PKNOX1: variants seen among roughly 807,000 people sequenced by gnomAD.
PKNOX1 encodes PBX/knotted 1 homeobox 1.
In PKNOX1, 15 loss-of-function variants were observed where a neutral mutation model predicts 51.9. The observed-to-expected ratio is 0.29, with a 90% CI of 0.19 to 0.45. The LOEUF (loss-of-function observed/expected upper bound fraction) is 0.45, where lower values mean the gene tolerates loss of function less well. PKNOX1 is among the 20% of genes least tolerant of loss of function. The probability of loss-of-function intolerance (pLI) is 1.00; values close to 1 mark genes in which losing one functional copy is unlikely to be tolerated. For missense variants in PKNOX1, 462 were observed against 547.5 expected, an observed-to-expected ratio of 0.84 and a Z score of 1.56; for synonymous variants, 219 against 211.1, an observed-to-expected ratio of 1.04 and a Z score of -0.32.
chr21:43,016,810 CT>C, intron 5 of PKNOX1, 97 bp from the exon 6 acceptor site: 5 of 714,962 alleles, frequency 7.0e-6, no homozygotes, highest in South Asian at 2.0e-5. Context: ...CTTCTCTTTC[CT>C]TTTTTAATGG....
rs761284934 is a variant in PKNOX1 at position 43,010,137 on chromosome 21, T to G, written c.264T>G (p.Ser88Arg). 1.2e-6 allele frequency: 2 copies of G among 1,606,868 alleles called. No individual in the cohort carries two copies. The highest frequency in any genetic ancestry group is 1.7e-6 in the Non-Finnish European group (2 of 1,175,954). ...GCTCTGAAGGCACAACTTCTGCCAG[T>G]TTTGATGTAGACATCGAAAATTTTG... ...TQGSEGTTSASFDVDIENFVR... is the reference protein window; with the variant it reads ...TQGSEGTTSARFDVDIENFVR... Residue 88 changes from serine (S) to arginine (R), a missense_variant, in exon 4 of 11, where the codon AGT becomes AGG. Around this residue, in one of 5 missense-constraint regions of PKNOX1, gnomAD observed 129 missense variants for 133.4 expected, o/e 0.97. Coordinates refer to ENST00000291547, the MANE Select transcript of PKNOX1 (RefSeq NM_004571.5).
intron 1 of PKNOX1, among the ~76,000 whole-genome samples, chr21:42,984,580 G>T (rs1388060402): frequency 6.6e-6 from 1 of 152,072 alleles, no homozygotes; most frequent in Non-Finnish European, 1.5e-5. Flanking sequence ...TAGAGACAGG[G>T]TCTCTCCATG....
intron 2 of PKNOX1, among the ~76,000 whole-genome samples, chr21:43,006,628 G>A (rs1427332060): frequency 2.0e-5 from 3 of 152,228 alleles, no homozygotes; most frequent in Non-Finnish European, 2.9e-5. Context: ...GCTGGAGGAT[G>A]TGAGAGGCGT....
intron 1 of PKNOX1, among the ~76,000 whole-genome samples, chr21:42,990,823 A>G (rs916148820): frequency 3.9e-5 from 6 of 152,172 alleles, no homozygotes; most frequent in South Asian, 4.1e-4. Context: ...AGCTAAACGC[A>G]ATGAACTGGG....
intron 9 of PKNOX1, 114 bp from the exon 10 acceptor site, chr21:43,028,588 T>G: frequency 1.1e-6 from 1 of 922,016 alleles, no homozygotes; most frequent in Admixed American, 2.2e-5. Context: ...AGAACTTGAG[T>G]CATTCTTTGT....
intron 1 of PKNOX1, among the ~76,000 whole-genome samples, chr21:42,982,575 C>CA (rs2059032098): frequency 6.6e-6 from 1 of 151,264 alleles, no homozygotes; most frequent in Non-Finnish European, 1.5e-5. Context: ...ACTAAAAATA[C>CA]AAAAAATTAG....
intron 4 of PKNOX1, among the ~76,000 whole-genome samples, chr21:43,010,430 A>G (rs976528553): frequency 6.6e-6 from 1 of 151,880 alleles, no homozygotes; most frequent in Admixed American, 6.6e-5. Context: ...TTTAGTTTTT[A>G]TTTTTAGATT....
At chr21:43,001,308 G>GGT (rs1184218954) in intron 1 of PKNOX1, among the ~76,000 whole-genome samples, 2 of 152,194 alleles carry the variant, frequency 1.3e-5, no homozygotes, top group African/African-American at 2.4e-5. Context: ...GTGTTGCAAG[G>GGT]GTGTACCTGT....
At chr21:42,987,106 G>T (rs1201851286) in intron 1 of PKNOX1, among the ~76,000 whole-genome samples, 3 of 151,946 alleles carry the variant, frequency 2.0e-5, no homozygotes, top group African/African-American at 7.3e-5. Context: ...CTCAGGCCAG[G>T]TGCGGTGGCT....
intron 1 of PKNOX1, among the ~76,000 whole-genome samples, chr21:42,980,035 C>T (rs1466697907): frequency 2.6e-5 from 4 of 152,126 alleles, no homozygotes; most frequent in Non-Finnish European, 5.9e-5. Context: ...GATTCCTGTA[C>T]TCTATATGTA....
At chr21:42,992,238 T>C (rs2146241695) in intron 1 of PKNOX1, among the ~76,000 whole-genome samples, 1 of 152,368 alleles carries the variant, frequency 6.6e-6, no homozygotes, top group South Asian at 2.1e-4. Context: ...AAGTGTCCTG[T>C]CCTTGTGAGT....
At chr21:42,975,810 C>G (rs2058993888) in intron 1 of PKNOX1, among the ~76,000 whole-genome samples, 1 of 152,248 alleles carries the variant, frequency 6.6e-6, no homozygotes, top group Admixed American at 6.5e-5. Flanking sequence ...CTTTTTAAAA[C>G]AGTAGATGAT....
chr21:43,025,634 G>A (rs1329819580), intron 9 of PKNOX1, among the ~76,000 whole-genome samples: 1 of 152,124 alleles, frequency 6.6e-6, no homozygotes, highest in East Asian at 1.9e-4. Context: ...TGAAGTGGGG[G>A]GTGGTCTTCC....
At chr21:43,005,429 G>C (rs1268621738) in intron 2 of PKNOX1, among the ~76,000 whole-genome samples, 1 of 50,130 alleles carries the variant, frequency 2.0e-5, no homozygotes, top group Admixed American at 1.6e-4. Context: ...GGTGGTGTTA[G>C]TGTTTTTTTT....
rs369465817 is a variant in PKNOX1, at chr21:43,000,844, T to C, written c.-56-3482T>C. ...GCCCCAGTGAGCTATGATTGCAACA[T>C]TGCAGTCCAGCCTAGGTGACAGAAC... On this transcript the variant is annotated intron_variant, in intron 1 of 10. Transcript: ENST00000291547. Among the ~76,000 whole-genome samples, 8 of 152,132 alleles carry C rather than the reference T, an allele frequency of 5.3e-5. No individual in the cohort carries two copies. The South Asian group carries it at 6.2e-4, about 12-fold the overall frequency.
At position 43,013,086 on chromosome 21, in the gene PKNOX1, G is replaced by A. The variant is rs1372018137; in HGVS notation, c.370G>A (p.Val124Ile). The change falls in exon 5 of 11, where the codon GTT becomes ATT. Residue 124 changes from valine (V) to isoleucine (I), a missense_variant. By Grantham distance (29) the Val-to-Ile change is conservative (BLOSUM62 3). This residue lies in a region of PKNOX1 where 14 missense variants were observed against 39.3 expected (regional missense o/e 0.36). Transcript: ENST00000291547. ...TDNLMVKAIQ[V>I]LRIHLLELEK... ...GCTCTAGATGGTAAAAGCAATCCAG[G>A]TTTTGCGCATTCATCTTCTTGAGCT... is the stretch of plus-strand genomic sequence containing the variant. 1.2e-6 allele frequency: 2 copies of A among 1,610,324 alleles called. No individual in the cohort carries two copies. The highest frequency in any genetic ancestry group is 2.7e-5 in the African/African-American group (2 of 74,782).
intron 1 of PKNOX1, among the ~76,000 whole-genome samples, chr21:42,991,070 A>G (rs1476881350): frequency 6.6e-6 from 1 of 152,174 alleles, no homozygotes; most frequent in Non-Finnish European, 1.5e-5. Flanking sequence ...AGCTTCAAAT[A>G]TTCAGTGTGC....
rs1256090051 is a variant in PKNOX1, at chr21:43,032,916, A to C, written c.*2815A>C. 6.6e-6 allele frequency: 1 copy of C among 152,176 alleles called. No individual in the cohort carries two copies. Among genetic ancestry groups the C allele is most frequent in the African/African-American group, 2.4e-5 (1 of 41,442 alleles). 9.4% of individuals were successfully genotyped at this position (152,176 alleles called of 1,614,324 possible). On this transcript the variant is annotated 3_prime_UTR_variant, in exon 11 of 11. Coordinates refer to ENST00000291547, the MANE Select transcript of PKNOX1 (RefSeq NM_004571.5). ...ATCACTGCCCAGCATGTTTGAGGTCAGTTGGCACCTTAAAACACCTGTTCT... is the reference window on the plus strand; with the variant it reads ...ATCACTGCCCAGCATGTTTGAGGTCCGTTGGCACCTTAAAACACCTGTTCT...
chr21:43,003,035 G>A (rs962373647), intron 1 of PKNOX1, among the ~76,000 whole-genome samples: 1 of 152,128 alleles, frequency 6.6e-6, no homozygotes, highest in Non-Finnish European at 1.5e-5. Context: ...GAACTGTCTC[G>A]CTCAGGACAG....
Sources: gnomAD v4.1 joint callset for allele counts (sites outside exome capture counted in the v4.1 genomes callset) on GRCh38, gnomAD v4.1.1 for gene constraint, gnomAD v4.1.1 regional missense constraint, MANE v1.5 for transcripts, NCBI Gene and HGNC (gene_info 2026-07-23, HGNC 2026-07-21) for gene names.